Variants in LEMD3 observed in about 807,000 individuals in gnomAD.
LEMD3 encodes the protein inner nuclear membrane protein Man1.
A neutral mutation model predicts 95.2 loss-of-function variants in LEMD3; 33 were observed. The ratio of observed to expected loss-of-function variants is 0.35; its 90% CI spans 0.26 to 0.46. The LOEUF (loss-of-function observed/expected upper bound fraction) is 0.46, where lower values mean the gene tolerates loss of function less well. Among genes scored for constraint, LEMD3 ranks in the 20% least tolerant of loss-of-function variants. The probability of loss-of-function intolerance (pLI) is 1.00; values close to 1 mark genes in which losing one functional copy is unlikely to be tolerated. For synonymous variants in LEMD3, 525 were observed against 474.6 expected (o/e 1.11, Z -1.38); for missense variants, 1,210 against 1,192.8 (o/e 1.01, Z -0.21).
intron 11 of LEMD3, 32 bp from the exon 12 acceptor site, chr12:65,245,829 A>T: frequency 6.3e-7 from 1 of 1,593,372 alleles, no homozygotes; most frequent in Non-Finnish European, 8.6e-7. Flanking sequence ...CTATTAAACT[A>T]AGACTATTTT....
chr12:65,210,339 T>G (rs1452698708), intron 1 of LEMD3, among the ~76,000 whole-genome samples: 24 of 152,132 alleles, frequency 1.6e-4, no homozygotes, highest in Admixed American at 1.4e-3. Context: ...TCTAAATGAA[T>G]TATTCAGTTT....
intron 4 of LEMD3, among the ~76,000 whole-genome samples, chr12:65,229,374 T>G (rs955262131): frequency 6.6e-6 from 1 of 152,184 alleles, no homozygotes; most frequent in African/African-American, 2.4e-5. Context: ...ACTTACTGAT[T>G]TTCTTTCCTT....
At position 65,169,829 on chromosome 12, in the gene LEMD3, C is replaced by G; in HGVS notation, c.233C>G (p.Ala78Gly). 6.8e-7 allele frequency: 1 copy of G among 1,474,318 alleles called. No homozygotes were observed. Among genetic ancestry groups the G allele is most frequent in the Non-Finnish European group, 9.0e-7 (1 of 1,108,972 alleles). The allele number at this position is 1,474,318 out of a possible 1,614,324, so 91.3% of individuals were successfully genotyped here. ...AACACGGCAGCCGCCACGGTCGCAG[C>G]CGCGGGACCAGCGGCGGCGGCGGCC... ...NNNTAAATVA[A>G]AGPAAAAAAG... Residue 78 changes from alanine (A) to glycine (G), a missense_variant, in exon 1 of 13, where the codon GCC becomes GGC. By Grantham distance (60) the Ala-to-Gly change is moderately conservative. Transcript: ENST00000308330.
At position 65,248,330 on chromosome 12, in the gene LEMD3, TTA is replaced by T. The variant is rs770015806; in HGVS notation, c.*2007_*2008del. The stretch of plus-strand genomic sequence containing the variant: ...TAATTAAAAATTTATTAGTTTTTTT[TTA>T]TGTGTCTTGGCTTTTTAAAAACATT... On this transcript the variant is annotated 3_prime_UTR_variant, in exon 13 of 13. Coordinates refer to ENST00000308330, the MANE Select transcript of LEMD3 (RefSeq NM_014319.5). The T allele has an allele frequency of 2.6e-5, 4 of 152,264 alleles. No homozygotes were observed. The highest frequency in any genetic ancestry group is 6.8e-3 in the Middle Eastern group (2 of 294). The allele number at this position is 152,264 out of a possible 1,614,324, so 9.4% of individuals were successfully genotyped here. A position where few individuals can be genotyped will look rare whatever the true frequency, so the allele number is the denominator to read the frequency against.
At chr12:65,224,041 C>T (rs1378610409) in intron 4 of LEMD3, among the ~76,000 whole-genome samples, 1 of 152,038 alleles carries the variant, frequency 6.6e-6, no homozygotes, top group Non-Finnish European at 1.5e-5. Flanking sequence ...ATTGATGTCA[C>T]AGATTACATC....
chr12:65,204,921 C>A (rs764711743), intron 1 of LEMD3, among the ~76,000 whole-genome samples: 6 of 152,080 alleles, frequency 3.9e-5, no homozygotes, highest in Non-Finnish European at 8.8e-5. Flanking sequence ...CAGTTATAGT[C>A]TCTGTATTAG....
At chr12:65,178,662 T>A (rs1868804907) in intron 1 of LEMD3, among the ~76,000 whole-genome samples, 1 of 152,204 alleles carries the variant, frequency 6.6e-6, no homozygotes, top group South Asian at 2.1e-4. Context: ...AAACAATTAT[T>A]ATTTAATCCT....
chr12:65,215,277 T>C (rs1049562883), intron 2 of LEMD3, among the ~76,000 whole-genome samples: 2 of 152,294 alleles, frequency 1.3e-5, no homozygotes, highest in Non-Finnish European at 2.9e-5. Context: ...AATATTCTGT[T>C]CCATAAATTC....
chr12:65,224,771 GTTTGGGGAGT>G lies in LEMD3; in HGVS notation c.1695+6159_1695+6168del, dbSNP rs1478912005. On this transcript the variant is annotated intron_variant, in intron 4 of 12. Transcript: ENST00000308330. ...TCTGAATACCCATTTTCTTCCCCAG[GTTTGGGGAGT>G]TTTGGGCCCCAAATAACATGGTGTT... Among the ~76,000 whole-genome samples the G allele has an allele frequency of 2.6e-5, 4 of 152,062 alleles. No homozygotes were observed. The South Asian group carries it at 6.2e-4, about 24-fold the overall frequency.
At chr12:65,244,256 C>T (rs538216998) in intron 10 of LEMD3, among the ~76,000 whole-genome samples, 5 of 151,184 alleles carry the variant, frequency 3.3e-5, no homozygotes, top group South Asian at 2.1e-4. Context: ...CGTGTTTGCA[C>T]GTGGGCACGC....
At chr12:65,233,887 TG>T (rs1870701148) in intron 4 of LEMD3, among the ~76,000 whole-genome samples, 2 of 152,240 alleles carry the variant, frequency 1.3e-5, no homozygotes, top group South Asian at 4.1e-4. Flanking sequence ...GGAGAGTTCA[TG>T]GGGGTATGCG....
intron 1 of LEMD3, among the ~76,000 whole-genome samples, chr12:65,191,464 A>G (rs1433836362): frequency 6.6e-6 from 1 of 152,092 alleles, no homozygotes; most frequent in Non-Finnish European, 1.5e-5. Flanking sequence ...TACCCAGGCA[A>G]ATATAACTCA....
intron 1 of LEMD3, among the ~76,000 whole-genome samples, chr12:65,188,262 G>A (rs561728109): frequency 9.2e-5 from 14 of 152,224 alleles, no homozygotes; most frequent in African/African-American, 3.4e-4. Flanking sequence ...CAGGGTTGAA[G>A]TACACTATAT....
intron 1 of LEMD3, among the ~76,000 whole-genome samples, chr12:65,192,615 T>C (rs1401047125): frequency 3.3e-5 from 5 of 152,116 alleles, no homozygotes; most frequent in African/African-American, 1.2e-4. Flanking sequence ...TTAATTACCA[T>C]ATAGTAATTG....
Position 65,247,506 on chromosome 12 carries a change from TATTTA to T in LEMD3, c.*1186_*1190del, listed in dbSNP as rs1217238447. The T allele has an allele frequency of 1.3e-5, 2 of 152,260 alleles. No homozygotes were observed. The highest frequency in any genetic ancestry group is 2.4e-5 in the African/African-American group (1 of 41,456). The allele number at this position is 152,260 out of a possible 1,614,324, so 9.4% of individuals were successfully genotyped here. A position where few individuals can be genotyped will look rare whatever the true frequency, so the allele number is the denominator to read the frequency against. ...GATTGACTGTTGCTTTGTGCCTCAGTATTTAATTTGTTTCAGTAAACTTACTTTAT... is the reference window on the plus strand; with the variant it reads ...GATTGACTGTTGCTTTGTGCCTCAGTATTTGTTTCAGTAAACTTACTTTAT... On this transcript the variant is annotated 3_prime_UTR_variant, in exon 13 of 13. Transcript: ENST00000308330.
chr12:65,226,440 G>A (rs903162410), intron 4 of LEMD3, among the ~76,000 whole-genome samples: 1 of 152,164 alleles, frequency 6.6e-6, no homozygotes, highest in Non-Finnish European at 1.5e-5. Flanking sequence ...TTGAATCGGT[G>A]TCTCATTGAG....
At chr12:65,244,290 C>CACA (rs1466359040) in intron 10 of LEMD3, among the ~76,000 whole-genome samples, 7 of 145,410 alleles carry the variant, frequency 4.8e-5, no homozygotes, top group African/African-American at 1.9e-4. Flanking sequence ...CACACACCCC[C>CACA]CCCACACACA....
chr12:65,215,173 T>C (rs1035188671), intron 2 of LEMD3, among the ~76,000 whole-genome samples: 19 of 152,212 alleles, frequency 1.2e-4, no homozygotes, highest in Admixed American at 5.9e-4. Context: ...GTAAGAAATA[T>C]AACCAATGCT....
In LEMD3 at chr12:65,179,171, C is replaced by A. The variant is rs746457157; in HGVS notation, c.1522+8053C>A. Among the ~76,000 whole-genome samples, 11 of 152,024 alleles carry A rather than the reference C, an allele frequency of 7.2e-5. No individual in the cohort carries two copies. In the South Asian group the frequency reaches 8.3e-4, roughly 11 times the overall value. On this transcript the variant is annotated intron_variant, in intron 1 of 12. Coordinates refer to ENST00000308330, the MANE Select transcript of LEMD3 (RefSeq NM_014319.5). ...TTTGTATTACCAATTACAACTTGTT[C>A]TTTCTGTTGTTCATTTTTAGGATAT...
Sources: gnomAD v4.1 joint callset for allele counts (sites outside exome capture counted in the v4.1 genomes callset) on GRCh38, gnomAD v4.1.1 for gene constraint, MANE v1.5 for transcripts, NCBI Gene and HGNC (gene_info 2026-07-23, HGNC 2026-07-21) for gene names.